NPAS3: variants seen among roughly 807,000 people sequenced by gnomAD.
NPAS3 encodes neuronal PAS domain protein 3.
A neutral mutation model predicts 73.1 loss-of-function variants in NPAS3; 14 were observed. That is an observed-to-expected ratio of 0.19 (90% CI 0.13 to 0.30). The LOEUF (loss-of-function observed/expected upper bound fraction) is 0.30. NPAS3 is among the 10% of genes least tolerant of loss of function. The pLI is 1.00. For synonymous variants in NPAS3, 620 were observed against 541.5 expected (o/e 1.14, Z -2.01); for missense variants, 1,096 against 1,250.0 (o/e 0.88, Z 1.86).
chr14:32,943,375 G>C (rs1048100598), intron 1 of NPAS3, among the ~76,000 whole-genome samples: 1 of 152,106 alleles, frequency 6.6e-6, no homozygotes, highest in Non-Finnish European at 1.5e-5. Context: ...TTAGTCATAT[G>C]AATTTTGATC....
At chr14:33,669,953 T>G (rs149323183) in intron 5 of NPAS3, among the ~76,000 whole-genome samples, 1 of 152,236 alleles carries the variant, frequency 6.6e-6, no homozygotes, top group East Asian at 1.9e-4. Flanking sequence ...CTCACTCTTG[T>G]CACCCAGGCT....
intron 6 of NPAS3, among the ~76,000 whole-genome samples, chr14:33,710,962 T>C (rs1595482407): frequency 1.3e-5 from 2 of 152,344 alleles, no homozygotes; most frequent in African/African-American, 4.8e-5. Context: ...TCTCAGATCA[T>C]AACCCAGTCT....
chr14:33,748,966 G>A (rs1229311399), intron 7 of NPAS3, among the ~76,000 whole-genome samples: 1 of 152,122 alleles, frequency 6.6e-6, no homozygotes, highest in Non-Finnish European at 1.5e-5. Context: ...GCTAGTTTGA[G>A]AATCTGAAAT....
At chr14:33,183,498 T>C (rs2045880036) in intron 2 of NPAS3, among the ~76,000 whole-genome samples, 1 of 145,270 alleles carries the variant, frequency 6.9e-6, no homozygotes. Flanking sequence ...TTGCTCTGTG[T>C]TCTCTGTGCT....
chr14:33,404,536 C>T (rs561851602), intron 4 of NPAS3, among the ~76,000 whole-genome samples: 3 of 152,022 alleles, frequency 2.0e-5, no homozygotes, highest in South Asian at 4.2e-4. Flanking sequence ...TTATTTTAGA[C>T]AAATGATACC....
chr14:33,424,806 G>A (rs986904045), intron 4 of NPAS3, among the ~76,000 whole-genome samples: 3 of 151,928 alleles, frequency 2.0e-5, no homozygotes, highest in Admixed American at 6.6e-5. Flanking sequence ...AAGTGGATGA[G>A]AAATCATTTG....
intron 3 of NPAS3, among the ~76,000 whole-genome samples, chr14:33,329,954 G>A (rs551674253): frequency 1.6e-3 from 242 of 152,186 alleles, no homozygotes; most frequent in African/African-American, 5.5e-3. Context: ...CACATATTAG[G>A]AAAAATAAAT....
At chr14:33,140,721 A>T (rs2044014914) in intron 2 of NPAS3, among the ~76,000 whole-genome samples, 1 of 152,204 alleles carries the variant, frequency 6.6e-6, no homozygotes, top group South Asian at 2.1e-4. Context: ...CTTTAAAAAA[A>T]GTATCAGAAA....
intron 1 of NPAS3, among the ~76,000 whole-genome samples, chr14:32,950,545 A>G (rs1053116398): frequency 6.6e-6 from 1 of 152,120 alleles, no homozygotes; most frequent in Non-Finnish European, 1.5e-5. Flanking sequence ...GAAGCTTATA[A>G]CTATAAAAAG....
intron 2 of NPAS3, among the ~76,000 whole-genome samples, chr14:33,161,390 T>A (rs1416422875): frequency 6.6e-6 from 1 of 152,198 alleles, no homozygotes; most frequent in Non-Finnish European, 1.5e-5. Context: ...TGATACTAAT[T>A]AACTTGCCCA....
chr14:33,588,031 C>T (rs111827062), intron 5 of NPAS3, among the ~76,000 whole-genome samples: 1 of 152,172 alleles, frequency 6.6e-6, no homozygotes, highest in African/African-American at 2.4e-5. Context: ...GAGTGTGTTC[C>T]CTAAAATGAA....
intron 1 of NPAS3, among the ~76,000 whole-genome samples, chr14:32,961,543 G>C (rs2036920401): frequency 6.6e-6 from 1 of 152,068 alleles, no homozygotes; most frequent in South Asian, 2.1e-4. Context: ...CTCCAATTGA[G>C]GATGCCTCTT....
intron 4 of NPAS3, among the ~76,000 whole-genome samples, chr14:33,538,032 C>G (rs527523707): frequency 1.3e-5 from 2 of 152,060 alleles, no homozygotes. Flanking sequence ...GTGGCATAGA[C>G]CATAAACCTG....
At chr14:33,673,634 T>G (rs930668708) in intron 5 of NPAS3, among the ~76,000 whole-genome samples, 1 of 152,232 alleles carries the variant, frequency 6.6e-6, no homozygotes, top group East Asian at 1.9e-4. Flanking sequence ...AAAATTAGGC[T>G]GAGAGGCAGG....
chr14:33,168,590 ATTTCCTTCT>A (rs919509071), intron 2 of NPAS3, among the ~76,000 whole-genome samples: 1 of 152,096 alleles, frequency 6.6e-6, no homozygotes, highest in African/African-American at 2.4e-5. Flanking sequence ...ACTGCCCCTC[ATTTCCTTCT>A]TTGCTATCCC....
At chr14:33,069,755 T>G (rs2041418126) in intron 2 of NPAS3, among the ~76,000 whole-genome samples, 1 of 152,180 alleles carries the variant, frequency 6.6e-6, no homozygotes. Context: ...AAAAAGTTAG[T>G]GCTGTGGAAA....
chr14:33,354,645 C>T (rs1448653734), intron 3 of NPAS3, among the ~76,000 whole-genome samples: 2 of 152,090 alleles, frequency 1.3e-5, no homozygotes, highest in African/African-American at 4.8e-5. Context: ...CCTAAAGACA[C>T]CTCCCTTCAA....
chr14:33,574,611 A>C (rs977969913), intron 5 of NPAS3, among the ~76,000 whole-genome samples: 4 of 151,948 alleles, frequency 2.6e-5, no homozygotes, highest in African/African-American at 9.7e-5. Context: ...GAGGGTGAAA[A>C]GTAGTTTGAG....
intron 4 of NPAS3, among the ~76,000 whole-genome samples, chr14:33,552,222 G>T (rs985261604): frequency 1.3e-5 from 2 of 152,150 alleles, no homozygotes; most frequent in African/African-American, 2.4e-5. Flanking sequence ...AAGAGGCAAG[G>T]ATTCCACACA....
Sources: gnomAD v4.1 joint callset for allele counts (sites outside exome capture counted in the v4.1 genomes callset) on GRCh38, gnomAD v4.1.1 for gene constraint, MANE v1.5 for transcripts, NCBI Gene and HGNC (gene_info 2026-07-23, HGNC 2026-07-21) for gene names.